Variants in DRC1 observed in about 807,000 individuals in gnomAD.
DRC1 encodes dynein regulatory complex subunit 1.
Under a neutral mutation model 98.7 loss-of-function variants are expected in DRC1, and 74 were observed. The ratio of observed to expected loss-of-function variants is 0.75; its 90% CI spans 0.62 to 0.91. The LOEUF is 0.91. DRC1 is among the 40% of genes least tolerant of loss of function. DRC1 has a pLI of 0.00. For synonymous variants in DRC1, 336 were observed against 334.1 expected, an observed-to-expected ratio of 1.01 and a Z score of -0.06; for missense variants, 875 against 886.0, an observed-to-expected ratio of 0.99 and a Z score of 0.16.
chr2:26,431,805 A>G, intron 6 of DRC1, 79 bp from the exon 7 acceptor site: 4 of 1,581,918 alleles, frequency 2.5e-6, no homozygotes, highest in East Asian at 4.5e-5. Flanking sequence ...CCCCTGTGTC[A>G]TGCTGGGCAG....
intron 2 of DRC1, among the ~76,000 whole-genome samples, chr2:26,415,125 G>C (rs1430922040): frequency 2.0e-5 from 3 of 152,162 alleles, no homozygotes; most frequent in Non-Finnish European, 4.4e-5. Context: ...TAGCCGTGGG[G>C]TAGTGCGTAG....
chr2:26,446,168 C>T (rs1314201441), intron 10 of DRC1, among the ~76,000 whole-genome samples: 2 of 144,190 alleles, frequency 1.4e-5, no homozygotes, highest in Non-Finnish European at 3.0e-5. Flanking sequence ...GGGATCTCGG[C>T]TCACTGCAAC....
chr2:26,449,573 G>T (rs545483522), intron 11 of DRC1, among the ~76,000 whole-genome samples: 3 of 152,374 alleles, frequency 2.0e-5, no homozygotes, highest in East Asian at 1.9e-4. Flanking sequence ...TTGGTTTGGG[G>T]TGCCCACTGC....
At position 26,454,701 on chromosome 2, in the gene DRC1, C is replaced by G. The variant is rs140913454; in HGVS notation, c.1974C>G (p.Asp658Glu). Residue 658 changes from aspartate (D) to glutamate (E), a missense_variant, in exon 15 of 17, where the codon GAC (aspartate) becomes GAG (glutamate). Coordinates refer to ENST00000288710, the MANE Select transcript of DRC1 (RefSeq NM_145038.5). The surrounding 1 kb of genome is among the most constrained non-coding windows in gnomAD (Gnocchi z 5.2). ...AGAATGTGCGTGACAACTCCAAGGACTCGGAGTACTGGCAGGCCCTGACCA... is the reference window on the plus strand; with the variant it reads ...AGAATGTGCGTGACAACTCCAAGGAGTCGGAGTACTGGCAGGCCCTGACCA... ...VQKNVRDNSK[D>E]SEYWQALTTV... 275 of 1,614,164 alleles carry G rather than the reference C, an allele frequency of 1.7e-4. 1 individual carries two copies. The highest frequency in any genetic ancestry group is 8.2e-4 in the Middle Eastern group (5 of 6,062).
In DRC1 at chr2:26,423,266, C is replaced by G. The variant is rs114727949; in HGVS notation, c.357-1005C>G. On this transcript the variant is annotated intron_variant, in intron 3 of 16. Coordinates refer to ENST00000288710, the MANE Select transcript of DRC1 (RefSeq NM_145038.5). ...GTGCTGCGGAAAGATGACCTGACAG[C>G]TCTTTCTCATTTCTTGAAATAAAAA... Among the ~76,000 whole-genome samples the G allele has an allele frequency of 4.1e-3, 620 of 151,494 alleles. 2 individuals carry two copies. Among genetic ancestry groups the G allele is most frequent in the Non-Finnish European group, 7.1e-3 (483 of 67,884 alleles).
chr2:26,455,602 G>A (rs1664133064), intron 16 of DRC1, among the ~76,000 whole-genome samples: 4 of 152,350 alleles, frequency 2.6e-5, no homozygotes, highest in South Asian at 4.1e-4. Flanking sequence ...GGTGGACAGG[G>A]CGGAAACAAT....
Position 26,424,611 on chromosome 2 carries a change from G to T in DRC1, c.540+157G>T, listed in dbSNP as rs568446458. Among the ~76,000 whole-genome samples the T allele has an allele frequency of 2.0e-5, 3 of 152,184 alleles. No homozygotes were observed. The East Asian group carries it at 5.8e-4, about 29-fold the overall frequency. ...ATGTTATAAACTTTTTTCCATGATG[G>T]TAAGAAACACATAGCATTAAATTTG... On this transcript the variant is annotated intron_variant, in intron 4 of 16. Transcript: ENST00000288710.
At chr2:26,421,850 G>A (rs904509929) in intron 3 of DRC1, among the ~76,000 whole-genome samples, 11 of 152,038 alleles carry the variant, frequency 7.2e-5, no homozygotes, top group Admixed American at 2.0e-4. Flanking sequence ...GTGAGCCACC[G>A]CGCCCGGCTA....
rs2148000481 is a variant in DRC1 at position 26,444,173 on chromosome 2, A to G, written c.1029-49A>G. ...AATCAGGTGGATGAGAGGAACATAC[A>G]TAATACCTTCTATTCAGCTGCAGAC... On this transcript the variant is annotated intron_variant, in intron 8 of 16. Coordinates refer to ENST00000288710, the MANE Select transcript of DRC1 (RefSeq NM_145038.5). The G allele has an allele frequency of 2.5e-6, 4 of 1,612,256 alleles. No individual in the cohort carries two copies. In the South Asian group the frequency reaches 3.3e-5, roughly 13 times the overall value.
chr2:26,416,439 C>T (rs977810776), intron 2 of DRC1, among the ~76,000 whole-genome samples: 4 of 152,110 alleles, frequency 2.6e-5, no homozygotes, highest in Non-Finnish European at 4.4e-5. Flanking sequence ...CGTGCCCGGC[C>T]TTACCATGTT....
chr2:26,441,098 T>C (rs1303243999), intron 8 of DRC1, among the ~76,000 whole-genome samples: 2 of 152,232 alleles, frequency 1.3e-5, no homozygotes, highest in African/African-American at 4.8e-5. Context: ...TTGAAATTTC[T>C]CATACATCCT....
intron 10 of DRC1, among the ~76,000 whole-genome samples, chr2:26,446,729 C>A (rs1663861833): frequency 6.6e-6 from 1 of 152,150 alleles, no homozygotes; most frequent in Non-Finnish European, 1.5e-5. Context: ...ACAGTTTACA[C>A]TGTTTTATGG....
intron 4 of DRC1, among the ~76,000 whole-genome samples, chr2:26,426,670 A>G (rs905526852): frequency 5.3e-5 from 8 of 152,180 alleles, no homozygotes; most frequent in South Asian, 2.1e-4. Flanking sequence ...CCCAGCCTGT[A>G]GTATGTTTTG....
intron 1 of DRC1, among the ~76,000 whole-genome samples, chr2:26,410,288 T>C (rs1014761382): frequency 6.7e-6 from 1 of 149,574 alleles, no homozygotes; most frequent in South Asian, 2.1e-4. Context: ...TTATTAATTT[T>C]GATACGGAGT....
At position 26,440,498 on chromosome 2, in the gene DRC1, C is replaced by T; in HGVS notation, c.1009C>T (p.Gln337Ter). 6.2e-7 allele frequency: 1 copy of T among 1,610,966 alleles called. No homozygotes were observed. The highest frequency in any genetic ancestry group is 8.5e-7 in the Non-Finnish European group (1 of 1,178,200). The part of the protein sequence containing the change: ...DEESTVIKSQ[Q>*]KRKINRLHDI... ...AGAAAGCACAGTAATTAAATCCCAGCAGAAGAGGAAGATCAATCGGTAAGC... is the reference window on the plus strand; with the variant it reads ...AGAAAGCACAGTAATTAAATCCCAGTAGAAGAGGAAGATCAATCGGTAAGC... The change falls in exon 8 of 17, where the codon CAG becomes TAG. Residue 337 changes from glutamine (Q) to a stop codon, truncating the protein, a stop_gained. Coordinates refer to ENST00000288710, the MANE Select transcript of DRC1 (RefSeq NM_145038.5). LOFTEE classifies it high-confidence loss of function.
intron 7 of DRC1, among the ~76,000 whole-genome samples, chr2:26,438,461 G>A (rs935541375): frequency 1.3e-5 from 2 of 152,168 alleles, no homozygotes; most frequent in African/African-American, 4.8e-5. Context: ...TTGAGAGGTA[G>A]GATTAGTTAT....
Position 26,422,529 on chromosome 2 carries a change from ACTT to A in DRC1, c.356+1133_356+1135del, listed in dbSNP as rs1370974599. ...GGCATAAGCGGCTTAGAAGAATTAA[ACTT>A]CTTTGGTTTGCACACAGAAGTAGAC... On this transcript the variant is annotated intron_variant, in intron 3 of 16. Coordinates refer to ENST00000288710, the MANE Select transcript of DRC1 (RefSeq NM_145038.5). Among the ~76,000 whole-genome samples, 2 of 152,060 alleles carry A rather than the reference ACTT, an allele frequency of 1.3e-5. 1 individual carries two copies.
intron 13 of DRC1, among the ~76,000 whole-genome samples, chr2:26,453,094 G>A (rs1217381919): frequency 2.6e-5 from 4 of 152,134 alleles, no homozygotes; most frequent in African/African-American, 2.4e-5. Context: ...CTAGGAGCCC[G>A]GATTTAGAAA....
At chr2:26,416,516 C>CA (rs879472356) in intron 2 of DRC1, among the ~76,000 whole-genome samples, 167 of 152,300 alleles carry the variant, frequency 1.1e-3, no homozygotes, top group Admixed American at 2.9e-3. Context: ...AGATAGTCTT[C>CA]TATCGTTTCT....
Sources: gnomAD v4.1 joint callset for allele counts (sites outside exome capture counted in the v4.1 genomes callset) on GRCh38, gnomAD v4.1.1 for gene constraint, Gnocchi (gnomAD v3.1) non-coding constraint, MANE v1.5 for transcripts, NCBI Gene and HGNC (gene_info 2026-07-23, HGNC 2026-07-21) for gene names.